DPP6: variants seen among roughly 807,000 people sequenced by gnomAD.
DPP6 encodes dipeptidyl peptidase like 6, also known as A-type potassium channel modulatory protein DPP6.
DPP6 carries 69 observed loss-of-function variants against 122.6 expected under a neutral mutation model. The observed-to-expected ratio is 0.56, with a 90% CI of 0.46 to 0.69. The LOEUF is 0.69. Among genes scored for constraint, DPP6 ranks in the 30% least tolerant of loss-of-function variants. The pLI is 0.00. For synonymous variants in DPP6, 418 were observed against 433.1 expected (o/e 0.97, Z 0.43); for missense variants, 928 against 1,116.9 (o/e 0.83, Z 2.41).
intron 1 of DPP6, among the ~76,000 whole-genome samples, chr7:154,074,487 A>G (rs1055624282): frequency 6.6e-6 from 1 of 152,212 alleles, no homozygotes; most frequent in Non-Finnish European, 1.5e-5. Flanking sequence ...CAGTGGACCA[A>G]ACAGAAACAA....
At chr7:154,379,044 C>T (rs1231578978) in intron 1 of DPP6, among the ~76,000 whole-genome samples, 4 of 152,196 alleles carry the variant, frequency 2.6e-5, no homozygotes, top group Admixed American at 2.6e-4. Flanking sequence ...CAAAACGATT[C>T]ACCTCTCAAA....
rs1803599491 is a variant in DPP6 at position 154,863,535 on chromosome 7, A to G, written c.1715-4460A>G. On this transcript the variant is annotated intron_variant, in intron 17 of 25. Coordinates refer to ENST00000377770, the MANE Select transcript of DPP6 (RefSeq NM_130797.4). This position sits in a 1 kb window ranked among gnomAD's most constrained non-coding sequence, Gnocchi z 4.1. ...CATGCCTGGATTTTTTTATGTTTAT[A>G]TTTTGTAGAGATGGAGTTGGGATTA... is the stretch of plus-strand genomic sequence containing the variant. Among the ~76,000 whole-genome samples the G allele has an allele frequency of 6.6e-6, 1 of 151,632 alleles. No individual in the cohort carries two copies. Among genetic ancestry groups the G allele is most frequent in the African/African-American group, 2.4e-5 (1 of 41,264 alleles).
intron 1 of DPP6, among the ~76,000 whole-genome samples, chr7:153,989,207 G>C (rs1280172551): frequency 7.2e-6 from 1 of 138,732 alleles, no homozygotes; most frequent in Non-Finnish European, 1.6e-5. Context: ...GTGGGTGGGT[G>C]TGAAAATGGG....
chr7:154,583,472 GA>G (rs1197111280), intron 5 of DPP6, among the ~76,000 whole-genome samples: 4 of 152,240 alleles, frequency 2.6e-5, no homozygotes, highest in African/African-American at 9.6e-5. Flanking sequence ...GACTTGATTG[GA>G]TTTCCCAGTC....
chr7:154,361,657 CTGT>C (rs1351903829), intron 1 of DPP6, among the ~76,000 whole-genome samples: 1 of 148,208 alleles, frequency 6.7e-6, no homozygotes, highest in Non-Finnish European at 1.5e-5. Flanking sequence ...CATTGAGACA[CTGT>C]TGTTGAAGCA....
At chr7:154,565,588 C>T (rs114783657) in intron 4 of DPP6, among the ~76,000 whole-genome samples, 2,012 of 152,110 alleles carry the variant, frequency 0.013, 45 homozygotes, top group African/African-American at 0.046. Flanking sequence ...TGCAATGGCG[C>T]GATCTCGGTC....
intron 8 of DPP6, among the ~76,000 whole-genome samples, chr7:154,753,273 G>A (rs1843488900): frequency 2.0e-5 from 3 of 152,206 alleles, no homozygotes; most frequent in Middle Eastern, 3.4e-3. Context: ...GCTATTATAC[G>A]CTGGGGTACA....
the DPP6 span, among the ~76,000 whole-genome samples, chr7:153,761,842 C>T: frequency 6.6e-6 from 1 of 152,064 alleles, no homozygotes. Flanking sequence ...AACTAAGAAA[C>T]TATTATTTTT....
intron 1 of DPP6, among the ~76,000 whole-genome samples, chr7:154,067,917 TGTTTGTTTGTTTG>T (rs1222061911): frequency 1.4e-5 from 2 of 143,612 alleles, no homozygotes; most frequent in African/African-American, 5.6e-5. Context: ...GTTTTTTTTT[TGTTTGTTTGTTTG>T]TTTGTTTTTT....
At chr7:154,658,047 C>T (rs527972704) in intron 6 of DPP6, among the ~76,000 whole-genome samples, 62 of 152,252 alleles carry the variant, frequency 4.1e-4, no homozygotes, top group South Asian at 1.2e-3. Context: ...AAGGATGAAT[C>T]GGCCGAGCAC....
At chr7:153,793,602 G>T in the DPP6 span, among the ~76,000 whole-genome samples, 1 of 151,250 alleles carries the variant, frequency 6.6e-6, no homozygotes, top group Non-Finnish European at 1.5e-5. Context: ...CAAGCTGGCT[G>T]CAGAAATGTG....
chr7:154,241,115 T>C lies in DPP6; in HGVS notation c.243+188052T>C, dbSNP rs1045502937. On this transcript the variant is annotated intron_variant, in intron 1 of 25. Coordinates refer to ENST00000377770, the MANE Select transcript of DPP6 (RefSeq NM_130797.4). This position sits in a 1 kb window ranked among gnomAD's most constrained non-coding sequence, Gnocchi z 9.0. ...CCTTTTTTCTTACCATGTAACCACATACTGCTTTGCACCAATGATTGGGCA... is the reference window on the plus strand; with the variant it reads ...CCTTTTTTCTTACCATGTAACCACACACTGCTTTGCACCAATGATTGGGCA... 3.3e-5 allele frequency among the ~76,000 whole-genome samples: 5 copies of C among 151,884 alleles called. No individual in the cohort carries two copies. The highest frequency in any genetic ancestry group is 2.6e-4 in the Admixed American group (4 of 15,236).
chr7:154,589,484 T>G (rs1458830141), intron 5 of DPP6, among the ~76,000 whole-genome samples: 1 of 152,230 alleles, frequency 6.6e-6, no homozygotes, highest in Admixed American at 6.5e-5. Flanking sequence ...CTGCTGAATC[T>G]CATTCCACCT....
chr7:154,565,831 A>G (rs1320392335), intron 4 of DPP6, among the ~76,000 whole-genome samples: 1 of 152,104 alleles, frequency 6.6e-6, no homozygotes, highest in Non-Finnish European at 1.5e-5. Context: ...AGCCAATGTG[A>G]TGTCATTTCT....
At chr7:154,622,767 T>C (rs1397245451) in intron 5 of DPP6, among the ~76,000 whole-genome samples, 1 of 152,222 alleles carries the variant, frequency 6.6e-6, no homozygotes, top group African/African-American at 2.4e-5. Flanking sequence ...TGGTTTAAAG[T>C]ACAGCACACA....
chr7:154,077,402 A>G (rs1303570201), intron 1 of DPP6, among the ~76,000 whole-genome samples: 7 of 152,212 alleles, frequency 4.6e-5, no homozygotes, highest in Admixed American at 2.0e-4. Context: ...CAGTATCATT[A>G]TGTACTGAAG....
At chr7:154,802,704 G>A (rs1296227490) in intron 13 of DPP6, among the ~76,000 whole-genome samples, 1 of 152,126 alleles carries the variant, frequency 6.6e-6, no homozygotes, top group Middle Eastern at 3.2e-3. Context: ...GGGCATGGTG[G>A]CACCTGCCTG....
chr7:154,813,327 C>T (rs1349413126), intron 16 of DPP6, among the ~76,000 whole-genome samples: 1 of 152,108 alleles, frequency 6.6e-6, no homozygotes, highest in African/African-American at 2.4e-5. Context: ...TTGTGATCTG[C>T]CCACCTCGGC....
intron 1 of DPP6, among the ~76,000 whole-genome samples, chr7:154,139,022 T>G (rs1480846881): frequency 1.3e-5 from 2 of 150,308 alleles, no homozygotes; most frequent in Non-Finnish European, 2.9e-5. Flanking sequence ...GCAGAGGAAG[T>G]AGGTGTGGCC....
Sources: gnomAD v4.1 joint callset for allele counts (sites outside exome capture counted in the v4.1 genomes callset) on GRCh38, gnomAD v4.1.1 for gene constraint, Gnocchi (gnomAD v3.1) non-coding constraint, MANE v1.5 for transcripts, NCBI Gene and HGNC (gene_info 2026-07-23, HGNC 2026-07-21) for gene names.